The following BICD1 variants were observed in gnomAD, a reference collection of about 807,000 sequenced individuals.
BICD1 encodes the protein protein bicaudal D homolog 1.
Under a neutral mutation model 92.5 loss-of-function variants are expected in BICD1, and 35 were observed. The ratio of observed to expected loss-of-function variants is 0.38; its 90% CI spans 0.29 to 0.50. The LOEUF (loss-of-function observed/expected upper bound fraction) is 0.50. Ranked by LOEUF, BICD1 falls within the 20% of genes least tolerant of loss-of-function variation. BICD1 has a pLI of 0.93. For synonymous variants in BICD1, 429 were observed against 465.1 expected, an observed-to-expected ratio of 0.92 and a Z score of 1.00; for missense variants, 950 against 1,189.8, an observed-to-expected ratio of 0.80 and a Z score of 2.97.
chr12:32,248,172 A>G (rs1946438754), intron 2 of BICD1, among the ~76,000 whole-genome samples: 1 of 152,230 alleles, frequency 6.6e-6, no homozygotes, highest in Non-Finnish European at 1.5e-5. Context: ...ATGTCTTTCC[A>G]AAAGGAAGAA....
At chr12:32,271,654 G>T (rs1006979842) in intron 2 of BICD1, among the ~76,000 whole-genome samples, 12 of 152,050 alleles carry the variant, frequency 7.9e-5, no homozygotes, top group African/African-American at 2.9e-4. Context: ...TCCCCATACC[G>T]TGCCTGTATA....
chr12:32,246,957 A>T lies in BICD1; in HGVS notation c.426+30498A>T, dbSNP rs187040452. 1.6e-3 allele frequency among the ~76,000 whole-genome samples: 245 copies of T among 152,158 alleles called. 1 individual carries two copies. Among genetic ancestry groups the T allele is most frequent in the Non-Finnish European group, 3.2e-3 (220 of 68,006 alleles). The stretch of plus-strand genomic sequence containing the variant: ...CAAGAGTTCTGTTTTGATCATGTTT[A>T]GTTCAAGATGCCTGTTATGGTCAGG... On this transcript the variant is annotated intron_variant, in intron 2 of 9. Transcript: ENST00000652176.
rs540478734 is a variant in BICD1, at chr12:32,113,894, C to T, written c.213+6350C>T. Among the ~76,000 whole-genome samples, 37 of 151,590 alleles carry T rather than the reference C, an allele frequency of 2.4e-4. No homozygotes were observed. The South Asian group carries it at 7.5e-3, about 31-fold the overall frequency. ...CTGAATAATTTTTTTTTTTCCAAGACAGAATCTCGCTCTGTCGCCTAGGCT... is the reference window on the plus strand; with the variant it reads ...CTGAATAATTTTTTTTTTTCCAAGATAGAATCTCGCTCTGTCGCCTAGGCT... On this transcript the variant is annotated intron_variant, in intron 1 of 9. Coordinates refer to ENST00000652176, the MANE Select transcript of BICD1 (RefSeq NM_001714.4).
At chr12:32,228,791 G>T (rs1003228570) in intron 2 of BICD1, among the ~76,000 whole-genome samples, 1 of 152,148 alleles carries the variant, frequency 6.6e-6, no homozygotes, top group Non-Finnish European at 1.5e-5. Context: ...CAATTGAGAT[G>T]GGAAAACCTT....
intron 2 of BICD1, among the ~76,000 whole-genome samples, chr12:32,219,315 G>A (rs1945446279): frequency 6.6e-6 from 1 of 152,176 alleles, no homozygotes; most frequent in African/African-American, 2.4e-5. Flanking sequence ...ACCCATGTGT[G>A]TGTGATTACA....
Position 32,328,145 on chromosome 12 carries a change from G to A in BICD1, c.1690G>A (p.Ala564Thr). ...DPRGLLSPRL[A>T]RRGVSSPVET... ...CAGAGGACTTTTGTCCCCACGATTA[G>A]CCAGGCGGGGTGTGTCATCCCCGGT... Residue 564 changes from alanine to threonine, a missense_variant, in exon 5 of 10, where the codon GCC becomes ACC. Around this residue, in one of 5 missense-constraint regions of BICD1, gnomAD observed 309 missense variants for 499.4 expected, o/e 0.62. Coordinates refer to ENST00000652176, the MANE Select transcript of BICD1 (RefSeq NM_001714.4). This position sits in a 1 kb window ranked among gnomAD's most constrained non-coding sequence, Gnocchi z 4.4. The A allele has an allele frequency of 6.2e-7, 1 of 1,614,190 alleles. No homozygotes were observed. Among genetic ancestry groups the A allele is most frequent in the Non-Finnish European group, 8.5e-7 (1 of 1,180,024 alleles).
intron 5 of BICD1, chr12:32,333,091 T>C (rs2270787): frequency 0.5 from 490,302 of 983,732 alleles, 124,978 homozygotes; most frequent in East Asian, 0.79. Context: ...TTATCCCCCA[T>C]TTTATTCCCC....
chr12:32,225,119 C>A (rs939112427), intron 2 of BICD1, among the ~76,000 whole-genome samples: 1 of 152,216 alleles, frequency 6.6e-6, no homozygotes, highest in Non-Finnish European at 1.5e-5. Context: ...GCCACTCCCA[C>A]CTCAGCCTCT....
In BICD1 at chr12:32,107,193, A is replaced by T. The variant is rs1207910670; in HGVS notation, c.-139A>T. 26 of 807,142 alleles carry T rather than the reference A, an allele frequency of 3.2e-5. No homozygotes were observed. The South Asian group carries it at 4.0e-4, about 12-fold the overall frequency. The allele number at this position is 807,142 out of a possible 1,614,324, so 50.0% of individuals were successfully genotyped here. On this transcript the variant is annotated 5_prime_UTR_variant, in exon 1 of 10. Transcript: ENST00000652176. ...CCGCTGCCACCAGAGCCGGCGGGGC[A>T]TCGCGCTGCTCATTCATCCGGCCGC...
At chr12:32,363,815 A>G (rs1053440684) in intron 8 of BICD1, among the ~76,000 whole-genome samples, 2 of 152,184 alleles carry the variant, frequency 1.3e-5, no homozygotes, top group African/African-American at 4.8e-5. Flanking sequence ...GGACCATACA[A>G]TCCTGGATTC....
At chr12:32,363,230 A>G (rs1041008565) in intron 8 of BICD1, among the ~76,000 whole-genome samples, 1 of 152,284 alleles carries the variant, frequency 6.6e-6, no homozygotes, top group Admixed American at 6.5e-5. Flanking sequence ...GAGCTATAAT[A>G]TTCCATATTC....
chr12:32,225,562 A>G (rs1019774010), intron 2 of BICD1, among the ~76,000 whole-genome samples: 1 of 150,942 alleles, frequency 6.6e-6, no homozygotes, highest in African/African-American at 2.4e-5. Flanking sequence ...AGCAATGTGT[A>G]AAAGTTCCTG....
chr12:32,108,441 A>G (rs1270664490), intron 1 of BICD1: 1 of 433,840 alleles, frequency 2.3e-6, no homozygotes, highest in African/African-American at 2.0e-5. Flanking sequence ...TTAAGAACAT[A>G]CATATTGTTT....
intron 1 of BICD1, among the ~76,000 whole-genome samples, chr12:32,143,103 T>G (rs1188260792): frequency 6.6e-6 from 1 of 152,230 alleles, no homozygotes; most frequent in Non-Finnish European, 1.5e-5. Flanking sequence ...TAGTCTCATA[T>G]GTCTATATAA....
rs1938024912 is a variant in BICD1 at position 32,334,600 on chromosome 12, A to T, written c.2185A>T (p.Asn729Tyr). ...GACTGAAACCATGACGAAGCTTAGA[A>T]ATGAACTGAAGGCTTTGAAAGAAGA... The part of the protein sequence containing the change: ...MVTETMTKLR[N>Y]ELKALKEDAA... Residue 729 changes from asparagine (N) to tyrosine (Y), a missense_variant, in exon 6 of 10, where the codon AAT (asparagine) becomes TAT (tyrosine). Physicochemically the swap from Asn to Tyr is moderately radical, Grantham distance 143. Coordinates refer to ENST00000652176, the MANE Select transcript of BICD1 (RefSeq NM_001714.4). 6.2e-7 allele frequency: 1 copy of T among 1,612,574 alleles called. No individual in the cohort carries two copies. The highest frequency in any genetic ancestry group is 8.5e-7 in the Non-Finnish European group (1 of 1,179,296).
chr12:32,296,590 G>T (rs1199145227), intron 3 of BICD1, among the ~76,000 whole-genome samples: 3 of 151,786 alleles, frequency 2.0e-5, no homozygotes, highest in African/African-American at 7.3e-5. Context: ...CCTTTTTTTG[G>T]TTATTGATGA....
At chr12:32,339,790 A>G in intron 8 of BICD1, 1 of 985,396 alleles carries the variant, frequency 1.0e-6, no homozygotes. Flanking sequence ...GACTATTGCC[A>G]GAAAATAAAA....
chr12:32,316,554 G>C (rs1440232042), intron 4 of BICD1, among the ~76,000 whole-genome samples: 2 of 151,964 alleles, frequency 1.3e-5, no homozygotes, highest in African/African-American at 4.8e-5. Context: ...ACCCGCCTCA[G>C]CCTCCCAAAG....
intron 1 of BICD1, among the ~76,000 whole-genome samples, chr12:32,180,502 G>A (rs574055840): frequency 2.0e-5 from 3 of 151,910 alleles, no homozygotes; most frequent in South Asian, 4.2e-4. Flanking sequence ...CAAAGATACC[G>A]TCCCTTGGCT....
Sources: gnomAD v4.1 joint callset for allele counts (sites outside exome capture counted in the v4.1 genomes callset) on GRCh38, gnomAD v4.1.1 for gene constraint, gnomAD v4.1.1 regional missense constraint, Gnocchi (gnomAD v3.1) non-coding constraint, MANE v1.5 for transcripts, NCBI Gene and HGNC (gene_info 2026-07-23, HGNC 2026-07-21) for gene names.